Variants in NPAT observed in about 807,000 individuals in gnomAD.
The protein encoded by NPAT is nuclear protein, coactivator of histone transcription.
In NPAT, 52 loss-of-function variants were observed where a neutral mutation model predicts 130.7. The observed-to-expected ratio is 0.40, with a 90% CI of 0.32 to 0.50. The LOEUF (loss-of-function observed/expected upper bound fraction) is 0.50, where lower values mean the gene tolerates loss of function less well. Ranked by LOEUF, NPAT falls within the 20% of genes least tolerant of loss-of-function variation. The pLI is 0.68. For missense variants in NPAT, 1,687 were observed against 1,662.6 expected (o/e 1.01, Z -0.26); for synonymous variants, 580 against 584.8 (o/e 0.99, Z 0.12).
At chr11:108,186,455 G>A in intron 8 of NPAT, 27 bp downstream of exon 8, 1 of 1,559,092 alleles carries the variant, frequency 6.4e-7, no homozygotes, top group Non-Finnish European at 8.9e-7. Context: ...AATATTTTAA[G>A]TTGCAAAGTT....
chr11:108,181,099 G>A lies in NPAT; in HGVS notation c.907-4009C>T, dbSNP rs1229118963. 5.3e-5 allele frequency among the ~76,000 whole-genome samples: 8 copies of A among 152,274 alleles called. No individual in the cohort carries two copies. In the East Asian group the frequency reaches 7.7e-4, roughly 15 times the overall value. On this transcript the variant is annotated intron_variant, in intron 10 of 17. Coordinates refer to ENST00000278612, the MANE Select transcript of NPAT (RefSeq NM_002519.3). Reference sequence around the variant, plus strand: ...CAAATTGTGTCCCTCCCAAATTCACGTGTTGAAGTCCCAACCTCAACAGGA... The same window carrying A: ...CAAATTGTGTCCCTCCCAAATTCACATGTTGAAGTCCCAACCTCAACAGGA...
At chr11:108,218,393 A>G (rs1018860949) in intron 1 of NPAT, among the ~76,000 whole-genome samples, 4 of 152,200 alleles carry the variant, frequency 2.6e-5, no homozygotes, top group Admixed American at 2.0e-4. Flanking sequence ...CAAGCAAGAG[A>G]TAGTAAAGCA....
rs762682602 is a variant in NPAT at position 108,177,094 on chromosome 11, C to T, written c.907-4G>A. The T allele has an allele frequency of 3.2e-6, 5 of 1,577,748 alleles. No homozygotes were observed. Among genetic ancestry groups the T allele is most frequent in the East Asian group, 4.5e-5 (2 of 44,592 alleles). ...CTTCAGACATGTGAATTTCACTCTG[C>T]AAGAAAGGAGTGGCGTGAAGGCATG... is the stretch of plus-strand genomic sequence containing the variant. On this transcript the variant is annotated splice_region_variant and splice_polypyrimidine_tract_variant and intron_variant, in intron 10 of 17. Transcript: ENST00000278612.
chr11:108,157,463 CTATATGA>C lies in NPAT; in HGVS notation c.*1472_*1478del, dbSNP rs1443063182. ...TCAAGCTGAGTTAAATAAACATTAA[CTATATGA>C]TATTTAGTTCCTTAGGAATAGACCA... On this transcript the variant is annotated 3_prime_UTR_variant, in exon 18 of 18. Coordinates refer to ENST00000278612, the MANE Select transcript of NPAT (RefSeq NM_002519.3). The C allele has an allele frequency of 6.6e-6, 1 of 152,076 alleles. No homozygotes were observed. The highest frequency in any genetic ancestry group is 1.5e-5 in the Non-Finnish European group (1 of 67,972). The allele number at this position is 152,076 out of a possible 1,614,324, so 9.4% of individuals were successfully genotyped here.
At chr11:108,190,318 A>T (rs1275555920) in intron 5 of NPAT, 142 bp downstream of exon 5, 2 of 376,374 alleles carry the variant, frequency 5.3e-6, no homozygotes, top group Admixed American at 4.5e-5. Flanking sequence ...GTCTCAAAAA[A>T]AAAAAAAAAA....
chr11:108,170,117 C>A (rs1002214937), intron 13 of NPAT, 74 bp from the exon 14 acceptor site: 17 of 749,796 alleles, frequency 2.3e-5, no homozygotes, highest in Middle Eastern at 4.3e-4. Context: ...ATGTTTGGCA[C>A]AAATTAATTA....
intron 1 of NPAT, among the ~76,000 whole-genome samples, chr11:108,205,062 C>G (rs1366185110): frequency 6.6e-6 from 1 of 152,144 alleles, no homozygotes; most frequent in African/African-American, 2.4e-5. Context: ...AGACCATAAT[C>G]AAACTGAAAA....
chr11:108,222,417 C>T (rs1346745236), intron 1 of NPAT, 83 bp downstream of exon 1: 3 of 1,447,024 alleles, frequency 2.1e-6, no homozygotes, highest in African/African-American at 2.8e-5. Context: ...AGCTTCCCTA[C>T]CAAGGGAAAA....
intron 17 of NPAT, among the ~76,000 whole-genome samples, chr11:108,160,617 T>C (rs1307749642): frequency 6.6e-6 from 1 of 152,234 alleles, no homozygotes; most frequent in African/African-American, 2.4e-5. Flanking sequence ...CAGTTTTTCC[T>C]GAAAATGCTG....
intron 1 of NPAT, among the ~76,000 whole-genome samples, chr11:108,218,153 AACTT>A (rs2078450982): frequency 6.6e-6 from 1 of 152,116 alleles, no homozygotes; most frequent in African/African-American, 2.4e-5. Flanking sequence ...TTTTTGTGTA[AACTT>A]ACTGACAAAG....
intron 1 of NPAT, among the ~76,000 whole-genome samples, chr11:108,208,184 A>G (rs950690040): frequency 6.6e-6 from 1 of 152,202 alleles, no homozygotes. Context: ...TCATGTTGGT[A>G]TACAAACAGT....
At chr11:108,167,973 T>A (rs2077916085) in intron 15 of NPAT, among the ~76,000 whole-genome samples, 1 of 152,170 alleles carries the variant, frequency 6.6e-6, no homozygotes, top group African/African-American at 2.4e-5. Context: ...CAAACTTTAT[T>A]AGTAATCAGA....
Position 108,172,413 on chromosome 11 carries a change from G to C in NPAT, c.2571C>G (p.Ser857Arg). The C allele has an allele frequency of 6.2e-7, 1 of 1,614,178 alleles. No individual in the cohort carries two copies. Among genetic ancestry groups the C allele is most frequent in the Non-Finnish European group, 8.5e-7 (1 of 1,180,030 alleles). The stretch of plus-strand genomic sequence containing the variant: ...TGTTATTTGAATTGCCAAAAGCTGT[G>C]CTTGTGGCTGGCATCAACTGTATAT... ...GGYIQLMPAT[S>R]TAFGNSNNIL... is the part of the protein sequence containing the mutation. Residue 857 changes from serine (S) to arginine (R), a missense_variant, in exon 13 of 18, where the codon AGC becomes AGG. Ser to Arg is a moderately radical substitution (Grantham distance 110). Around this residue, in one of 3 missense-constraint regions of NPAT, gnomAD observed 1,379 missense variants for 1,346.6 expected, o/e 1.02. Transcript: ENST00000278612.
At chr11:108,175,190 C>A (rs186840704) in intron 12 of NPAT, among the ~76,000 whole-genome samples, 23 of 152,244 alleles carry the variant, frequency 1.5e-4, no homozygotes, top group Non-Finnish European at 2.6e-4. Flanking sequence ...TTATAACTGT[C>A]CCATTTTATT....
At chr11:108,214,111 G>C (rs894244789) in intron 1 of NPAT, among the ~76,000 whole-genome samples, 1 of 152,114 alleles carries the variant, frequency 6.6e-6, no homozygotes, top group African/African-American at 2.4e-5. Flanking sequence ...GCCCAGGCTG[G>C]TCTCGCTCCC....
chr11:108,178,250 A>G (rs1403641360), intron 10 of NPAT, among the ~76,000 whole-genome samples: 1 of 152,190 alleles, frequency 6.6e-6, no homozygotes, highest in Non-Finnish European at 1.5e-5. Flanking sequence ...CTTGTCAACT[A>G]CAAGCTAAGC....
chr11:108,174,540 A>AG (rs1456552774), intron 12 of NPAT, among the ~76,000 whole-genome samples: 1 of 150,708 alleles, frequency 6.6e-6, no homozygotes, highest in African/African-American at 2.5e-5. Context: ...AAAATTATAA[A>AG]GGAGGCACTG....
Position 108,172,548 on chromosome 11 carries a change from C to T in NPAT, c.2436G>A (p.Gln812=). 3 of 1,614,200 alleles carry T rather than the reference C, an allele frequency of 1.9e-6. No homozygotes were observed. The highest frequency in any genetic ancestry group is 2.5e-6 in the Non-Finnish European group (3 of 1,180,038). The change falls in exon 13 of 18, where the codon CAG becomes CAA. Residue 812 remains glutamine (Q), a synonymous_variant. Coordinates refer to ENST00000278612, the MANE Select transcript of NPAT (RefSeq NM_002519.3). ...CTTCAGATTTGAATGTTAAAAGACT[C>T]TGTTCCATTGAGGCTGAATCCCCTA... is the stretch of plus-strand genomic sequence containing the variant. ...AEVGDSASME[Q]SLLTFKSEDS...
chr11:108,220,429 T>C (rs893213907), intron 1 of NPAT, among the ~76,000 whole-genome samples: 4 of 152,128 alleles, frequency 2.6e-5, no homozygotes, highest in Admixed American at 6.6e-5. Flanking sequence ...TTTGTGTGTA[T>C]GTTTAAGAAT....
Sources: gnomAD v4.1 joint callset for allele counts (sites outside exome capture counted in the v4.1 genomes callset) on GRCh38, gnomAD v4.1.1 for gene constraint, gnomAD v4.1.1 regional missense constraint, MANE v1.5 for transcripts, NCBI Gene and HGNC (gene_info 2026-07-23, HGNC 2026-07-21) for gene names.